CD63: variants seen among roughly 807,000 people sequenced by gnomAD.
CD63 encodes the protein CD63 antigen.
CD63 carries 16 observed loss-of-function variants against 29.2 expected under a neutral mutation model. The ratio of observed to expected loss-of-function variants is 0.55; its 90% CI spans 0.37 to 0.83. CD63 has a LOEUF of 0.83. CD63 is among the 40% of genes least tolerant of loss of function. The pLI is 0.00. For missense variants in CD63, 251 were observed against 297.3 expected (o/e 0.84, Z 1.15); for synonymous variants, 118 against 111.7 (o/e 1.06, Z -0.36).
chr12:55,724,453 C>A (rs1353065471), downstream of CD63: 2 of 1,614,086 alleles, frequency 1.2e-6, no homozygotes, highest in Admixed American at 1.7e-5. Flanking sequence ...GGATGCCAAG[C>A]TGCTCTGGCT....
In CD63 at chr12:55,728,552, C is replaced by G. The variant is rs1395011745; in HGVS notation, c.-11-200G>C. On this transcript the variant is annotated intron_variant, in intron 1 of 7. Transcript: ENST00000257857. This position sits in a 1 kb window ranked among gnomAD's most constrained non-coding sequence, Gnocchi z 4.8. ...GGGTGGGGGCGACGGCCGCGAAGCCCGGACCCCGCCCCGCCGCCTCTGGGG... is the reference window on the plus strand; with the variant it reads ...GGGTGGGGGCGACGGCCGCGAAGCCGGGACCCCGCCCCGCCGCCTCTGGGG... The G allele has an allele frequency of 2.4e-5, 34 of 1,427,268 alleles. No individual in the cohort carries two copies. The highest frequency in any genetic ancestry group is 2.1e-5 in the Non-Finnish European group (23 of 1,095,644). The allele number at this position is 1,427,268 out of a possible 1,614,324, so 88.4% of individuals were successfully genotyped here.
chr12:55,726,634 C>A (rs1285918976), intron 5 of CD63, 66 bp downstream of exon 5: 8 of 1,301,678 alleles, frequency 6.1e-6, no homozygotes, highest in Non-Finnish European at 8.9e-6. Context: ...CGTGAGTCAC[C>A]ACACCCAGCC....
Position 55,726,256 on chromosome 12 carries a change from C to A in CD63, c.432G>T (p.Lys144Asn). The A allele has an allele frequency of 6.2e-7, 1 of 1,604,498 alleles. No individual in the cohort carries two copies. The part of the protein sequence containing the change: ...SILDRMQADF[K>N]CCGAANYTDW... ...CTGTGTAGTTAGCAGCCCCACAGCACTTAAACTGGGGGAGGGAAGAAATAT... is the reference window on the plus strand; with the variant it reads ...CTGTGTAGTTAGCAGCCCCACAGCAATTAAACTGGGGGAGGGAAGAAATAT... Residue 144 changes from lysine (K) to asparagine (N), a missense_variant, in exon 6 of 8, where the codon AAG becomes AAT. Transcript: ENST00000257857.
Position 55,728,505 on chromosome 12 carries a change from C to T in CD63, c.-11-153G>A. Reference sequence around the variant, plus strand: ...CGCGGTCGGATCCACGTCTCCCAGCCCCCTCTTTACCCGCAGGAGAGGGGT... The same window carrying T: ...CGCGGTCGGATCCACGTCTCCCAGCTCCCTCTTTACCCGCAGGAGAGGGGT... On this transcript the variant is annotated intron_variant, in intron 1 of 7. Coordinates refer to ENST00000257857, the MANE Select transcript of CD63 (RefSeq NM_001780.6). This position sits in a 1 kb window ranked among gnomAD's most constrained non-coding sequence, Gnocchi z 4.8. 3 of 1,462,138 alleles carry T rather than the reference C, an allele frequency of 2.1e-6. No homozygotes were observed. Among genetic ancestry groups the T allele is most frequent in the Non-Finnish European group, 1.8e-6 (2 of 1,111,974 alleles). 90.6% of individuals were successfully genotyped at this position (1,462,138 alleles called of 1,614,324 possible).
Position 55,728,252 on chromosome 12 carries a change from C to T in CD63, c.66+24G>A, listed in dbSNP as rs1226436773. 6.3e-7 allele frequency: 1 copy of T among 1,597,642 alleles called. No homozygotes were observed. Among genetic ancestry groups the T allele is most frequent in the Non-Finnish European group, 8.5e-7 (1 of 1,170,598 alleles). ...GTCTCCCCGCACCCTGCCGGCGCGC[C>T]CCCCAGGACCCCTCGCCACTCACGC... On this transcript the variant is annotated intron_variant, in intron 2 of 7. Transcript: ENST00000257857. The surrounding 1 kb of genome is among the most constrained non-coding windows in gnomAD (Gnocchi z 4.8).
At chr12:55,729,137 C>T (rs1877743328), upstream of CD63, 1 of 985,192 alleles carries the variant, frequency 1.0e-6, no homozygotes, top group Admixed American at 6.2e-5. Flanking sequence ...CGGCCTGAGT[C>T]ACTGGGCCCG....
In CD63 at chr12:55,726,738, T is replaced by G. The variant is rs963741590; in HGVS notation, c.388A>C (p.Asn130His). The G allele has an allele frequency of 1.6e-5, 26 of 1,614,000 alleles. No homozygotes were observed. Among genetic ancestry groups the G allele is most frequent in the Admixed American group, 3.3e-5 (2 of 59,994 alleles). Residue 130 changes from asparagine (N) to histidine (H), a missense_variant, in exon 5 of 8, where the codon AAC (asparagine) becomes CAC (histidine). Asn to His is a moderately conservative substitution (Grantham distance 68). Coordinates refer to ENST00000257857, the MANE Select transcript of CD63 (RefSeq NM_001780.6). The part of the protein sequence containing the change: ...RQQMENYPKN[N>H]HTASILDRMQ... ...CTGTCCAGGATCGAAGCAGTGTGGTTGTTTTTCGGGTAATTCTCCATCTGC... is the reference window on the plus strand; with the variant it reads ...CTGTCCAGGATCGAAGCAGTGTGGTGGTTTTTCGGGTAATTCTCCATCTGC...
chr12:55,723,602 T>A (rs995624249), downstream of CD63: 1 of 431,922 alleles, frequency 2.3e-6, no homozygotes, highest in African/African-American at 2.0e-5. Flanking sequence ...AAGTACCTGA[T>A]AATATCATTA....
Position 55,727,322 on chromosome 12 carries a change from C to G in CD63, c.84G>C (p.Leu28=), listed in dbSNP as rs760270529. The G allele has an allele frequency of 6.2e-7, 1 of 1,613,582 alleles. No homozygotes were observed. The highest frequency in any genetic ancestry group is 2.2e-5 in the East Asian group (1 of 44,868). The change falls in exon 3 of 8, where the codon CTG becomes CTC. Residue 28 remains leucine, a synonymous_variant. Transcript: ENST00000257857. Reference sequence around the variant, plus strand: ...GCTGTGCCCCGACACCCACGGCAATCAGTCCCACTGCACAGGCCTAAGAGA... The same window carrying G: ...GCTGTGCCCCGACACCCACGGCAATGAGTCCCACTGCACAGGCCTAAGAGA... The part of the protein sequence containing the change: ...LLAFCACAVG[L]IAVGVGAQLV...
chr12:55,724,335 A>G (rs2136142811), downstream of CD63: 22 of 1,614,182 alleles, frequency 1.4e-5, no homozygotes, highest in Non-Finnish European at 1.9e-5. Flanking sequence ...TGAAAATGCA[A>G]CAGCGCATCA....
chr12:55,727,030 G>A, intron 3 of CD63, 66 bp from the exon 4 acceptor site: 1 of 1,575,902 alleles, frequency 6.3e-7, no homozygotes, highest in Non-Finnish European at 8.7e-7. Flanking sequence ...TTTTGGCACA[G>A]CCGGTCCCTG....
chr12:55,726,067 C>A, intron 6 of CD63, 54 bp downstream of exon 6: 1 of 1,595,890 alleles, frequency 6.3e-7, no homozygotes, highest in Non-Finnish European at 8.6e-7. Flanking sequence ...GGGTCTCTTG[C>A]ATTCTAAAAC....
chr12:55,724,946 G>A (rs1427493149), downstream of CD63, among the ~76,000 whole-genome samples: 2 of 152,216 alleles, frequency 1.3e-5, no homozygotes, highest in African/African-American at 2.4e-5. Context: ...TTTCTTGGGG[G>A]AGAAGAGCAG....
chr12:55,724,176 A>G, downstream of CD63: 2 of 1,458,068 alleles, frequency 1.4e-6, no homozygotes, highest in East Asian at 4.9e-5. Flanking sequence ...AGGATGTTAC[A>G]AGAGTGCCCA....
At chr12:55,727,818 G>A in intron 2 of CD63, 1 of 1,036,944 alleles carries the variant, frequency 9.6e-7, no homozygotes, top group Non-Finnish European at 1.2e-6. Context: ...CTCAAGCCAG[G>A]AGCCCAGGGC....
rs916773655 is a variant in CD63, at chr12:55,728,684, G to A, written c.-12+269C>T. The stretch of plus-strand genomic sequence containing the variant: ...CCTTTCCCCACCCAACACCCAGCCT[G>A]GAGAAACGGTCTTCAGCCCAACCCC... On this transcript the variant is annotated intron_variant, in intron 1 of 7. Coordinates refer to ENST00000257857, the MANE Select transcript of CD63 (RefSeq NM_001780.6). The surrounding 1 kb of genome is among the most constrained non-coding windows in gnomAD (Gnocchi z 4.8). 6.3e-5 allele frequency: 73 copies of A among 1,158,616 alleles called. No homozygotes were observed. The African/African-American group carries it at 1.1e-3, about 18-fold the overall frequency. 71.8% of individuals were successfully genotyped at this position (1,158,616 alleles called of 1,614,324 possible).
chr12:55,727,417 T>G, intron 2 of CD63, 78 bp from the exon 3 acceptor site: 1 of 1,383,934 alleles, frequency 7.2e-7, no homozygotes, highest in South Asian at 1.3e-5. Context: ...GGGGTACACC[T>G]AGGACACAGA....
downstream of CD63, chr12:55,724,406 C>G: frequency 1.2e-6 from 2 of 1,614,240 alleles, no homozygotes. Flanking sequence ...CATGCCCTGA[C>G]TGCTCGACAC....
downstream of CD63, chr12:55,724,834 C>T (rs1053296547): frequency 7.8e-6 from 4 of 512,562 alleles, no homozygotes; most frequent in African/African-American, 3.9e-5. Context: ...TACAGCTGCA[C>T]GTCGGGGAGT....
Sources: gnomAD v4.1 joint callset for allele counts (sites outside exome capture counted in the v4.1 genomes callset) on GRCh38, gnomAD v4.1.1 for gene constraint, Gnocchi (gnomAD v3.1) non-coding constraint, MANE v1.5 for transcripts, NCBI Gene and HGNC (gene_info 2026-07-23, HGNC 2026-07-21) for gene names.